EDARADD: variants seen among roughly 807,000 people sequenced by gnomAD.
The protein encoded by EDARADD is ectodysplasin-A receptor-associated adapter protein.
EDARADD carries 20 observed loss-of-function variants against 25.6 expected under a neutral mutation model. The observed-to-expected ratio is 0.78, with a 90% CI of 0.55 to 1.14. The LOEUF (loss-of-function observed/expected upper bound fraction) is 1.14. Ranked by LOEUF, EDARADD falls within the 50% of genes most tolerant of loss-of-function variation. The probability of loss-of-function intolerance (pLI) is 0.00; values close to 1 mark genes in which losing one functional copy is unlikely to be tolerated. For missense variants in EDARADD, 225 were observed against 270.1 expected, an observed-to-expected ratio of 0.83 and a Z score of 1.17; for synonymous variants, 86 against 94.4, an observed-to-expected ratio of 0.91 and a Z score of 0.52.
At chr1:236,374,759 A>G (rs1274549095) in intron 3 of EDARADD, among the ~76,000 whole-genome samples, 1 of 151,772 alleles carries the variant, frequency 6.6e-6, no homozygotes, top group Non-Finnish European at 1.5e-5. Flanking sequence ...CATGGTATGT[A>G]TCTCTCTAAT....
chr1:236,364,121 C>T (rs583867), intron 3 of EDARADD, among the ~76,000 whole-genome samples: 52,168 of 151,482 alleles, frequency 0.34, 9,216 homozygotes, highest in African/African-American at 0.42. Context: ...CACTGCCCAT[C>T]TCAAAAAAAT....
upstream of EDARADD, among the ~76,000 whole-genome samples, chr1:236,393,556 A>G (rs1667460272): frequency 6.6e-6 from 1 of 151,704 alleles, no homozygotes; most frequent in African/African-American, 2.4e-5. Flanking sequence ...CCACCAATCC[A>G]GCTAAGTTTT....
At position 236,398,805 on chromosome 1, in the gene EDARADD, C is replaced by G. The variant is rs549393520; in HGVS notation, c.61+4300C>G. Among the ~76,000 whole-genome samples, 1 of 152,332 alleles carries G rather than the reference C, an allele frequency of 6.6e-6. No homozygotes were observed. The highest frequency in any genetic ancestry group is 2.4e-5 in the African/African-American group (1 of 41,564). On this transcript the variant is annotated intron_variant, in intron 1 of 5. Coordinates refer to ENST00000334232, the MANE Select transcript of EDARADD (RefSeq NM_145861.4). The surrounding 1 kb of genome is among the most constrained non-coding windows in gnomAD (Gnocchi z 4.1). ...TCAGCAAACCCTGTACCTTTCCTTT[C>G]TGGCACCTGTCACAATTTCTAGCTG...
rs1667188593 is a variant in EDARADD, at chr1:236,372,962, C to T, written c.-6+22123C>T. ...ACAGAGTCGCTCTCTGTTACCCAGG[C>T]TGGAGTGCAGTGGTGCGATCTCGGC... On this transcript the variant is annotated intron_variant, in intron 3 of 7. Transcript: ENST00000439430. 3.7e-5 allele frequency among the ~76,000 whole-genome samples: 5 copies of T among 136,400 alleles called. No individual in the cohort carries two copies. In the Admixed American group the frequency reaches 4.1e-4, roughly 11 times the overall value. The allele number at this position is 136,400 out of a possible 152,430, so 89.5% of individuals were successfully genotyped here.
intron 5 of EDARADD, among the ~76,000 whole-genome samples, chr1:236,471,108 T>C (rs539520438): frequency 6.6e-6 from 1 of 152,312 alleles, no homozygotes; most frequent in South Asian, 2.1e-4. Flanking sequence ...TACTCCAGTT[T>C]TATTCTATGA....
In EDARADD at chr1:236,484,431, T is replaced by G. The variant is rs1271531317; in HGVS notation, c.*1782T>G. The G allele has an allele frequency of 5.6e-6, 9 of 1,610,258 alleles. No homozygotes were observed. Among genetic ancestry groups the G allele is most frequent in the African/African-American group, 2.7e-5 (2 of 74,826 alleles). On this transcript the variant is annotated 3_prime_UTR_variant, in exon 6 of 6. Coordinates refer to ENST00000334232, the MANE Select transcript of EDARADD (RefSeq NM_145861.4). The surrounding 1 kb of genome is among the most constrained non-coding windows in gnomAD (Gnocchi z 4.1). ...AGAGGAGCTGGGCAGCAAGGCTAAG[T>G]TTGCCGGCAGGAACTTCAGAAACCC...
intron 3 of EDARADD, among the ~76,000 whole-genome samples, chr1:236,377,682 AC>A (rs995742245): frequency 1.0e-4 from 15 of 150,546 alleles, no homozygotes; most frequent in Non-Finnish European, 1.5e-5. Context: ...ACATGGTGAA[AC>A]CCCGTCTCTA....
At chr1:236,404,139 C>T (rs75148280) in intron 1 of EDARADD, among the ~76,000 whole-genome samples, 123 of 152,246 alleles carry the variant, frequency 8.1e-4, no homozygotes, top group East Asian at 5.0e-3. Flanking sequence ...CTCCTCTGCC[C>T]GTCCTATTAG....
intron 4 of EDARADD, among the ~76,000 whole-genome samples, 191 bp downstream of exon 4, chr1:236,427,641 A>G (rs1024065623): frequency 6.6e-6 from 1 of 152,150 alleles, no homozygotes; most frequent in African/African-American, 2.4e-5. Context: ...TCTAATAAAT[A>G]TTATAGCTTT....
intron 3 of EDARADD, among the ~76,000 whole-genome samples, chr1:236,379,953 C>T (rs907468881): frequency 1.1e-4 from 16 of 152,062 alleles, no homozygotes; most frequent in Admixed American, 5.9e-4. Context: ...TTTAAGTAGG[C>T]GTTTCTGCCA....
intron 4 of EDARADD, among the ~76,000 whole-genome samples, chr1:236,449,618 A>C (rs181939080): frequency 1.3e-5 from 2 of 152,298 alleles, no homozygotes; most frequent in Admixed American, 6.5e-5. Context: ...TTATACTTAC[A>C]TCTTTTCCTA....
chr1:236,395,959 G>T lies in EDARADD; in HGVS notation c.61+1454G>T, dbSNP rs1240444319. On this transcript the variant is annotated intron_variant, in intron 1 of 5. Transcript: ENST00000334232. The surrounding 1 kb of genome is among the most constrained non-coding windows in gnomAD (Gnocchi z 6.9). ...CCCCGTGGCTTTTGTTCTGGACTCG[G>T]GATGCCAGGTTGAGACACGTCCTGC... Among the ~76,000 whole-genome samples the T allele has an allele frequency of 6.6e-6, 1 of 152,218 alleles. No individual in the cohort carries two copies. Among genetic ancestry groups the T allele is most frequent in the Non-Finnish European group, 1.5e-5 (1 of 68,032 alleles).
intron 4 of EDARADD, among the ~76,000 whole-genome samples, chr1:236,438,758 C>G (rs746533193): frequency 4.6e-5 from 7 of 151,996 alleles, no homozygotes; most frequent in Non-Finnish European, 1.0e-4. Context: ...ACTCCCTGCC[C>G]CCACTCATGC....
chr1:236,376,095 C>T (rs1451547869), intron 3 of EDARADD, among the ~76,000 whole-genome samples: 6 of 151,832 alleles, frequency 4.0e-5, no homozygotes, highest in African/African-American at 1.5e-4. Flanking sequence ...CCACCATGCC[C>T]AGCTAATTTT....
At chr1:236,377,923 T>G (rs931508560) in intron 3 of EDARADD, among the ~76,000 whole-genome samples, 1 of 152,106 alleles carries the variant, frequency 6.6e-6, no homozygotes, top group African/African-American at 2.4e-5. Context: ...GTCTTATAAT[T>G]TTTTCTTAAC....
intron 3 of EDARADD, among the ~76,000 whole-genome samples, chr1:236,360,008 A>G (rs1165138375): frequency 1.3e-5 from 2 of 152,210 alleles, no homozygotes; most frequent in South Asian, 2.1e-4. Context: ...TAGAAAGCCA[A>G]CAAAGCATGA....
intron 4 of EDARADD, among the ~76,000 whole-genome samples, chr1:236,442,415 T>C (rs1378347181): frequency 6.6e-6 from 1 of 152,224 alleles, no homozygotes; most frequent in South Asian, 2.1e-4. Context: ...TGTGAGCCAC[T>C]GTGCCTGGCC....
Position 236,483,045 on chromosome 1 carries a change from C to T in EDARADD, c.*396C>T. 2.9e-6 allele frequency: 2 copies of T among 692,064 alleles called. No individual in the cohort carries two copies. Among genetic ancestry groups the T allele is most frequent in the Non-Finnish European group, 5.0e-6 (2 of 402,020 alleles). The allele number at this position is 692,064 out of a possible 1,614,324, so 42.9% of individuals were successfully genotyped here. A position where few individuals can be genotyped will look rare whatever the true frequency, so the allele number is the denominator to read the frequency against. Reference sequence around the variant, plus strand: ...CCACAGCATTATATGTAACATCTCTCCTGATCAGTGCCATTCCCACGGTTT... The same window carrying T: ...CCACAGCATTATATGTAACATCTCTTCTGATCAGTGCCATTCCCACGGTTT... On this transcript the variant is annotated 3_prime_UTR_variant, in exon 6 of 6. Transcript: ENST00000334232.
rs1489764981 is a variant in EDARADD at position 236,384,482 on chromosome 1, T to C, written c.-5-24734T>C. 4.0e-4 allele frequency among the ~76,000 whole-genome samples: 61 copies of C among 152,320 alleles called. 1 individual carries two copies. The highest frequency in any genetic ancestry group is 7.4e-5 in the Non-Finnish European group (5 of 68,020). On this transcript the variant is annotated intron_variant, in intron 3 of 7. Coordinates refer to the EDARADD transcript ENST00000439430. ...CATAGGTCACTGCAGTCTCAAACTC[T>C]TGAGCTCAAGGGATCTGCCCACCTC... is the stretch of plus-strand genomic sequence containing the variant.
Sources: gnomAD v4.1 joint callset for allele counts (sites outside exome capture counted in the v4.1 genomes callset) on GRCh38, gnomAD v4.1.1 for gene constraint, Gnocchi (gnomAD v3.1) non-coding constraint, MANE v1.5 for transcripts, NCBI Gene and HGNC (gene_info 2026-07-23, HGNC 2026-07-21) for gene names.